ATRNL1: variants seen among roughly 807,000 people sequenced by gnomAD.
ATRNL1 encodes attractin like 1.
Under a neutral mutation model 182.7 loss-of-function variants are expected in ATRNL1, and 95 were observed. The observed-to-expected ratio is 0.52, with a 90% CI of 0.44 to 0.62. The LOEUF is 0.62. Ranked by LOEUF, ATRNL1 falls within the 20% of genes least tolerant of loss-of-function variation. ATRNL1 has a pLI of 0.00. For missense variants in ATRNL1, 1,471 were observed against 1,679.5 expected, an observed-to-expected ratio of 0.88 and a Z score of 2.17; for synonymous variants, 576 against 568.3, an observed-to-expected ratio of 1.01 and a Z score of -0.19.
At chr10:115,901,399 GA>G (rs1326946300) in intron 28 of ATRNL1, among the ~76,000 whole-genome samples, 2 of 152,204 alleles carry the variant, frequency 1.3e-5, no homozygotes, top group East Asian at 1.9e-4. Flanking sequence ...ATATTTGAGT[GA>G]AAAAAATTCT....
intron 1 of ATRNL1, among the ~76,000 whole-genome samples, chr10:115,095,565 G>T (rs78509774): frequency 0.012 from 1,779 of 152,010 alleles, 35 homozygotes; most frequent in African/African-American, 0.04. Flanking sequence ...TTTTTCTAGG[G>T]TTTATACTTT....
chr10:115,224,495 A>G (rs1849615839), intron 9 of ATRNL1, among the ~76,000 whole-genome samples: 1 of 152,176 alleles, frequency 6.6e-6, no homozygotes, highest in African/African-American at 2.4e-5. Flanking sequence ...AGATAAGAGC[A>G]TGAATTAATG....
intron 25 of ATRNL1, among the ~76,000 whole-genome samples, chr10:115,524,683 G>A (rs576801948): frequency 6.6e-6 from 1 of 152,248 alleles, no homozygotes; most frequent in Admixed American, 6.5e-5. Context: ...CAGTGTAGAG[G>A]TTATTCCAGC....
chr10:115,529,006 A>G (rs907612879), intron 25 of ATRNL1, among the ~76,000 whole-genome samples: 4 of 152,102 alleles, frequency 2.6e-5, no homozygotes, highest in African/African-American at 9.7e-5. Flanking sequence ...TTTAAAATCT[A>G]CCGAGATATA....
At chr10:115,516,802 T>A (rs1270358757) in intron 24 of ATRNL1, among the ~76,000 whole-genome samples, 1 of 151,954 alleles carries the variant, frequency 6.6e-6, no homozygotes, top group African/African-American at 2.4e-5. Context: ...GTTTTTAAAC[T>A]TCTTATTTGG....
intron 24 of ATRNL1, among the ~76,000 whole-genome samples, chr10:115,504,859 A>C (rs1258358836): frequency 6.6e-6 from 1 of 152,098 alleles, no homozygotes; most frequent in Non-Finnish European, 1.5e-5. Flanking sequence ...TACACAACAC[A>C]AAAATACATA....
At chr10:115,256,764 G>T (rs1466246026) in intron 10 of ATRNL1, among the ~76,000 whole-genome samples, 2 of 152,062 alleles carry the variant, frequency 1.3e-5, no homozygotes, top group Non-Finnish European at 2.9e-5. Flanking sequence ...GCCTTCTCTT[G>T]TGGGCATTTA....
chr10:115,638,498 T>C (rs1182687641), intron 26 of ATRNL1, among the ~76,000 whole-genome samples: 3 of 152,172 alleles, frequency 2.0e-5, no homozygotes, highest in African/African-American at 7.2e-5. Context: ...AATGTCCAAA[T>C]AGGCAAATCC....
chr10:115,450,657 C>T (rs964571223), intron 21 of ATRNL1, among the ~76,000 whole-genome samples: 1 of 152,156 alleles, frequency 6.6e-6, no homozygotes, highest in African/African-American at 2.4e-5. Flanking sequence ...CATCCAGACT[C>T]ATGGATAGGA....
chr10:115,479,481 A>G (rs533358306), intron 24 of ATRNL1, among the ~76,000 whole-genome samples: 78 of 151,550 alleles, frequency 5.1e-4, no homozygotes, highest in African/African-American at 1.8e-3. Flanking sequence ...ATCTAATGTA[A>G]ATCAAACAAA....
rs368475584 is a variant in ATRNL1, at chr10:115,656,240, A to G, written c.3796-71008A>G. Among the ~76,000 whole-genome samples the G allele has an allele frequency of 2.6e-5, 4 of 152,170 alleles. No individual in the cohort carries two copies. In the South Asian group the frequency reaches 8.3e-4, roughly 31 times the overall value. On this transcript the variant is annotated intron_variant, in intron 26 of 28. Coordinates refer to ENST00000355044, the MANE Select transcript of ATRNL1 (RefSeq NM_207303.4). Reference sequence around the variant, plus strand: ...ATGAAACTCATCACCAGCATGACTTATATATATAGCTCCTTAAATCACTTC... The same window carrying G: ...ATGAAACTCATCACCAGCATGACTTGTATATATAGCTCCTTAAATCACTTC...
intron 15 of ATRNL1, among the ~76,000 whole-genome samples, chr10:115,288,758 G>T (rs1228039389): frequency 1.3e-5 from 2 of 152,072 alleles, no homozygotes; most frequent in Non-Finnish European, 2.9e-5. Flanking sequence ...CTGACCTCAG[G>T]TAATCCGCCC....
chr10:115,411,853 A>G (rs1845156666), intron 20 of ATRNL1, among the ~76,000 whole-genome samples: 2 of 152,096 alleles, frequency 1.3e-5, no homozygotes, highest in Admixed American at 6.5e-5. Flanking sequence ...TTCATACCTC[A>G]AGTAAATATA....
At chr10:115,799,640 G>A (rs1205413955) in intron 27 of ATRNL1, among the ~76,000 whole-genome samples, 1 of 152,108 alleles carries the variant, frequency 6.6e-6, no homozygotes, top group Non-Finnish European at 1.5e-5. Flanking sequence ...AGGTGGTGCC[G>A]AACTTCAGCC....
At chr10:115,760,617 C>A (rs1470199875) in intron 27 of ATRNL1, among the ~76,000 whole-genome samples, 1 of 152,172 alleles carries the variant, frequency 6.6e-6, no homozygotes, top group Admixed American at 6.5e-5. Context: ...AAACATCTTT[C>A]TTCTGAAACA....
chr10:115,672,909 T>A (rs144371694), intron 26 of ATRNL1, among the ~76,000 whole-genome samples: 1 of 152,112 alleles, frequency 6.6e-6, no homozygotes, highest in South Asian at 2.1e-4. Flanking sequence ...CGTTATAGTA[T>A]TTTTTCCTCC....
At chr10:115,486,705 G>A (rs1403186822) in intron 24 of ATRNL1, among the ~76,000 whole-genome samples, 1 of 152,046 alleles carries the variant, frequency 6.6e-6, no homozygotes, top group Non-Finnish European at 1.5e-5. Context: ...TGTTCACTCT[G>A]ATAATAGTTT....
At chr10:115,797,476 CA>C (rs1314265141) in intron 27 of ATRNL1, among the ~76,000 whole-genome samples, 3 of 152,210 alleles carry the variant, frequency 2.0e-5, no homozygotes, top group African/African-American at 7.2e-5. Flanking sequence ...TGCAGGCATC[CA>C]CAGCCCACCA....
chr10:115,632,831 T>A (rs1253822919), intron 26 of ATRNL1, among the ~76,000 whole-genome samples: 2 of 143,702 alleles, frequency 1.4e-5, no homozygotes, highest in Non-Finnish European at 3.1e-5. Context: ...TGAGTCAATA[T>A]TATAAATACA....
Sources: allele counts gnomAD v4.1 joint callset (sites outside exome capture counted in the v4.1 genomes callset), GRCh38; gene constraint gnomAD v4.1.1; transcripts MANE v1.5; gene names NCBI Gene and HGNC (gene_info 2026-07-23, HGNC 2026-07-21).